Variants in UBE2F observed in about 807,000 individuals in gnomAD.
UBE2F encodes the protein ubiquitin conjugating enzyme E2 F (putative).
Under a neutral mutation model 29.6 loss-of-function variants are expected in UBE2F, and 5 were observed. That is an observed-to-expected ratio of 0.17 (90% CI 0.09 to 0.36). The LOEUF (loss-of-function observed/expected upper bound fraction) is 0.36, where lower values mean the gene tolerates loss of function less well. UBE2F is among the 10% of genes least tolerant of loss of function. UBE2F has a pLI of 1.00. For synonymous variants in UBE2F, 66 were observed against 81.8 expected, an observed-to-expected ratio of 0.81 and a Z score of 1.04; for missense variants, 141 against 228.5, an observed-to-expected ratio of 0.62 and a Z score of 2.47.
intron 6 of UBE2F, among the ~76,000 whole-genome samples, chr2:238,025,785 C>T (rs1475848963): frequency 1.3e-5 from 2 of 152,138 alleles, no homozygotes; most frequent in East Asian, 1.9e-4. Context: ...ATGATAGATA[C>T]CCAGGAGAAA....
chr2:238,034,527 T>C (rs1488078344), intron 8 of UBE2F, among the ~76,000 whole-genome samples: 1 of 152,234 alleles, frequency 6.6e-6, no homozygotes, highest in Non-Finnish European at 1.5e-5. Flanking sequence ...TCAAAATTGC[T>C]AATTAAGTCT....
chr2:237,969,288 C>T (rs982439145), intron 1 of UBE2F, among the ~76,000 whole-genome samples: 6 of 151,530 alleles, frequency 4.0e-5, no homozygotes, highest in Admixed American at 3.3e-4. Flanking sequence ...AAGCGTTAAG[C>T]GTAGCCTGCG....
intron 5 of UBE2F, among the ~76,000 whole-genome samples, chr2:238,020,904 A>T (rs762141813): frequency 1.3e-5 from 2 of 152,210 alleles, no homozygotes; most frequent in Admixed American, 1.3e-4. Flanking sequence ...AGACGCTGAC[A>T]TGACAATGAG....
intron 4 of UBE2F, among the ~76,000 whole-genome samples, chr2:238,009,697 C>G (rs1262204576): frequency 6.6e-6 from 1 of 152,186 alleles, no homozygotes; most frequent in African/African-American, 2.4e-5. Context: ...CATGTCTGTG[C>G]TGCCTCCTGC....
At chr2:237,971,424 G>A (rs1481107220) in intron 1 of UBE2F, among the ~76,000 whole-genome samples, 1 of 152,194 alleles carries the variant, frequency 6.6e-6, no homozygotes, top group Non-Finnish European at 1.5e-5. Flanking sequence ...CCGGCTTCAA[G>A]TGATTCTCCT....
At chr2:238,029,636 C>T (rs1223805536) in intron 6 of UBE2F, among the ~76,000 whole-genome samples, 1 of 151,064 alleles carries the variant, frequency 6.6e-6, no homozygotes, top group African/African-American at 2.4e-5. Flanking sequence ...ATGTCATATG[C>T]TGGGAGCTCC....
At chr2:237,990,829 T>G (rs1299497436) in intron 3 of UBE2F, among the ~76,000 whole-genome samples, 1 of 149,796 alleles carries the variant, frequency 6.7e-6, no homozygotes, top group Non-Finnish European at 1.5e-5. Flanking sequence ...TTGCCCAGGC[T>G]GATCTCAAAC....
At chr2:238,007,179 T>TG in intron 4 of UBE2F, among the ~76,000 whole-genome samples, 1 of 152,118 alleles carries the variant, frequency 6.6e-6, no homozygotes, top group Non-Finnish European at 1.5e-5. Context: ...TGGAGTGCAG[T>TG]GGTGTGATCT....
At chr2:237,970,151 G>C (rs2063145272) in intron 1 of UBE2F, among the ~76,000 whole-genome samples, 1 of 152,124 alleles carries the variant, frequency 6.6e-6, no homozygotes, top group South Asian at 2.1e-4. Flanking sequence ...GATTGCTTCC[G>C]CTCAGGAATT....
At chr2:238,010,406 T>C (rs975408618) in intron 4 of UBE2F, among the ~76,000 whole-genome samples, 12 of 152,152 alleles carry the variant, frequency 7.9e-5, no homozygotes, top group Non-Finnish European at 1.8e-4. Flanking sequence ...CTCTTGACCT[T>C]GTGATCCGCC....
At chr2:238,032,137 G>T in intron 7 of UBE2F, 85 bp from the exon 8 acceptor site, 3 of 1,073,424 alleles carry the variant, frequency 2.8e-6, no homozygotes, top group Non-Finnish European at 2.9e-6. Flanking sequence ...TTGATACAGT[G>T]CAAAGCATAT....
At chr2:237,977,169 CAG>C (rs897616072) in intron 2 of UBE2F, among the ~76,000 whole-genome samples, 1 of 152,038 alleles carries the variant, frequency 6.6e-6, no homozygotes, top group Non-Finnish European at 1.5e-5. Flanking sequence ...GCTGGGTTGA[CAG>C]GGCCCAGCTG....
intron 1 of UBE2F, among the ~76,000 whole-genome samples, chr2:237,970,314 G>A (rs1559196370): frequency 6.6e-6 from 1 of 152,216 alleles, no homozygotes; most frequent in Non-Finnish European, 1.5e-5. Context: ...GTTTGAGCCT[G>A]CACTGAGCTC....
chr2:238,032,264 G>A lies in UBE2F; in HGVS notation c.444+10G>A, dbSNP rs1352586045. The A allele has an allele frequency of 3.1e-6, 5 of 1,608,234 alleles. No individual in the cohort carries two copies. The highest frequency in any genetic ancestry group is 4.3e-6 in the Non-Finnish European group (5 of 1,175,400). ...AAACTCTTTGTTTACTGTAAGTACAGTGATCAAAATCCCAAGTTATTCTCA... is the reference window on the plus strand; with the variant it reads ...AAACTCTTTGTTTACTGTAAGTACAATGATCAAAATCCCAAGTTATTCTCA... On this transcript the variant is annotated intron_variant, in intron 8 of 9. Coordinates refer to ENST00000272930, the MANE Select transcript of UBE2F (RefSeq NM_080678.3).
At chr2:237,990,922 T>C (rs1234424349) in intron 3 of UBE2F, among the ~76,000 whole-genome samples, 1 of 152,142 alleles carries the variant, frequency 6.6e-6, no homozygotes, top group Non-Finnish European at 1.5e-5. Context: ...GGCCAACACA[T>C]GTAGACATTT....
chr2:237,971,414 C>T (rs997351276), intron 1 of UBE2F, among the ~76,000 whole-genome samples: 1 of 152,176 alleles, frequency 6.6e-6, no homozygotes, highest in African/African-American at 2.4e-5. Flanking sequence ...CCTCTGCCTC[C>T]CGGCTTCAAG....
chr2:238,003,605 T>G (rs929260131), intron 4 of UBE2F: 2 of 263,512 alleles, frequency 7.6e-6, no homozygotes, highest in South Asian at 7.8e-5. Context: ...CCAGTAAAAA[T>G]GTATATAGTG....
intron 3 of UBE2F, among the ~76,000 whole-genome samples, chr2:237,994,342 A>C (rs2063648658): frequency 1.3e-5 from 2 of 152,198 alleles, no homozygotes; most frequent in Admixed American, 1.3e-4. Context: ...CTAGGGCAAC[A>C]GAGTTGACCT....
At chr2:237,989,890 G>A (rs573365697) in intron 3 of UBE2F, among the ~76,000 whole-genome samples, 21 of 151,812 alleles carry the variant, frequency 1.4e-4, no homozygotes, top group Non-Finnish European at 2.4e-4. Flanking sequence ...AGGCTGAAGC[G>A]AGTGGATCAT....
Sources: allele counts gnomAD v4.1 joint callset (sites outside exome capture counted in the v4.1 genomes callset), GRCh38; gene constraint gnomAD v4.1.1; transcripts MANE v1.5; gene names NCBI Gene and HGNC (gene_info 2026-07-23, HGNC 2026-07-21).